MARCHF8: variants seen among roughly 807,000 people sequenced by gnomAD.
The protein encoded by MARCHF8 is membrane associated ring-CH-type finger 8.
MARCHF8 carries 40 observed loss-of-function variants against 51.6 expected under a neutral mutation model. That is an observed-to-expected ratio of 0.77 (90% CI 0.60 to 1.01). MARCHF8 has a LOEUF of 1.01. Ranked by LOEUF, MARCHF8 falls within the 50% of genes least tolerant of loss-of-function variation. The pLI is 0.00. For missense variants in MARCHF8, 685 were observed against 708.6 expected (o/e 0.97, Z 0.38); for synonymous variants, 263 against 280.3 (o/e 0.94, Z 0.62).
rs182283104 is a variant in MARCHF8, at chr10:45,471,498, G to A, written c.154-7171C>T. Reference sequence around the variant, plus strand: ...AATCACCAGAAATAACACGGTGAAAGGGGCTGTGTTTGTGAGTTACTTATC... The same window carrying A: ...AATCACCAGAAATAACACGGTGAAAAGGGCTGTGTTTGTGAGTTACTTATC... On this transcript the variant is annotated intron_variant, in intron 3 of 7. Coordinates refer to ENST00000453424, the MANE Select transcript of MARCHF8 (RefSeq NM_001282866.2). Among the ~76,000 whole-genome samples the A allele has an allele frequency of 3.4e-3, 524 of 152,360 alleles. 1 individual carries two copies. The highest frequency in any genetic ancestry group is 5.7e-3 in the Non-Finnish European group (388 of 68,038).
At chr10:45,549,345 A>T (rs2044168130) in intron 1 of MARCHF8, among the ~76,000 whole-genome samples, 1 of 152,228 alleles carries the variant, frequency 6.6e-6, no homozygotes, top group African/African-American at 2.4e-5. Flanking sequence ...CCTATTTCTC[A>T]TAATTCCATG....
At chr10:45,463,072 GA>G in intron 5 of MARCHF8, 78 bp downstream of exon 5, 1 of 1,456,976 alleles carries the variant, frequency 6.9e-7, no homozygotes, top group Non-Finnish European at 9.1e-7. Flanking sequence ...TCATTTTCCT[GA>G]AACTTCACAT....
chr10:45,590,780 T>C (rs1262471800), intron 1 of MARCHF8, among the ~76,000 whole-genome samples: 3 of 152,150 alleles, frequency 2.0e-5, no homozygotes, highest in African/African-American at 7.2e-5. Context: ...TCCCAGCACT[T>C]TGGAAGGCTA....
At chr10:45,530,681 G>C (rs1378680752) in intron 2 of MARCHF8, among the ~76,000 whole-genome samples, 1 of 152,170 alleles carries the variant, frequency 6.6e-6, no homozygotes, top group Non-Finnish European at 1.5e-5. Context: ...GTTGAGGCAG[G>C]AGGATCATTT....
chr10:45,458,956 C>T (rs1346598940), intron 7 of MARCHF8, among the ~76,000 whole-genome samples, 164 bp downstream of exon 7: 2 of 152,166 alleles, frequency 1.3e-5, no homozygotes, highest in African/African-American at 2.4e-5. Context: ...CAAAAACTAC[C>T]ACCACAGCAA....
At chr10:45,516,332 G>A (rs1448776882) in intron 2 of MARCHF8, among the ~76,000 whole-genome samples, 1 of 152,092 alleles carries the variant, frequency 6.6e-6, no homozygotes, top group Non-Finnish European at 1.5e-5. Flanking sequence ...ATTATTTTTT[G>A]TAGAGACAGG....
chr10:45,491,235 A>T (rs1314978090), intron 2 of MARCHF8, among the ~76,000 whole-genome samples: 1 of 152,188 alleles, frequency 6.6e-6, no homozygotes, highest in Non-Finnish European at 1.5e-5. Context: ...ATTATAAAGT[A>T]TGCTCAAAGT....
intron 1 of MARCHF8, among the ~76,000 whole-genome samples, chr10:45,575,718 C>T (rs75263910): frequency 1.3e-5 from 2 of 152,110 alleles, no homozygotes; most frequent in Non-Finnish European, 2.9e-5. Context: ...GCCTCTGAGC[C>T]CAAGCTAAGC....
chr10:45,469,591 C>T (rs982082889), intron 3 of MARCHF8, among the ~76,000 whole-genome samples: 1 of 152,080 alleles, frequency 6.6e-6, no homozygotes, highest in East Asian at 1.9e-4. Context: ...TCTGGCCAGG[C>T]GCGGTGGCTC....
chr10:45,504,432 G>A lies in MARCHF8; in HGVS notation c.103-15015C>T, dbSNP rs141786936. 1.6e-3 allele frequency among the ~76,000 whole-genome samples: 250 copies of A among 152,320 alleles called. No individual in the cohort carries two copies. In the East Asian group the frequency reaches 0.022, roughly 14 times the overall value. ...GCACTCCAGCGTGGGAAACAAGAGC[G>A]AAACTCCGTCTCGAAAAAAACTAAG... On this transcript the variant is annotated intron_variant, in intron 2 of 7. Transcript: ENST00000453424.
intron 1 of MARCHF8, among the ~76,000 whole-genome samples, chr10:45,564,022 T>A (rs1263517605): frequency 6.6e-6 from 1 of 152,224 alleles, no homozygotes; most frequent in East Asian, 1.9e-4. Flanking sequence ...ACGCCTGTAA[T>A]CCCAGCACTT....
intron 3 of MARCHF8, among the ~76,000 whole-genome samples, chr10:45,481,043 T>C (rs910075857): frequency 6.6e-6 from 1 of 152,244 alleles, no homozygotes; most frequent in Non-Finnish European, 1.5e-5. Flanking sequence ...GCCCACCTCT[T>C]GCATTAGCAT....
chr10:45,479,031 C>T (rs2042838048), intron 3 of MARCHF8, among the ~76,000 whole-genome samples: 1 of 152,154 alleles, frequency 6.6e-6, no homozygotes, highest in African/African-American at 2.4e-5. Flanking sequence ...CAAAACCAGA[C>T]AAGGACACAA....
At chr10:45,514,287 T>C (rs1462154625) in intron 2 of MARCHF8, among the ~76,000 whole-genome samples, 12 of 152,244 alleles carry the variant, frequency 7.9e-5, no homozygotes, top group Admixed American at 7.2e-4. Flanking sequence ...ATGGCATCCC[T>C]GAATCAGTGA....
intron 1 of MARCHF8, among the ~76,000 whole-genome samples, chr10:45,575,639 C>T (rs1221325557): frequency 2.0e-5 from 3 of 152,158 alleles, no homozygotes; most frequent in South Asian, 2.1e-4. Flanking sequence ...CAAAAATTTT[C>T]GCTACCCCAA....
intron 1 of MARCHF8, among the ~76,000 whole-genome samples, chr10:45,584,121 A>G (rs1433771883): frequency 8.9e-6 from 1 of 111,818 alleles, no homozygotes; most frequent in Non-Finnish European, 1.8e-5. Flanking sequence ...CAACATATAT[A>G]CAATCATATA....
intron 2 of MARCHF8, among the ~76,000 whole-genome samples, chr10:45,502,154 C>T (rs558920206): frequency 6.6e-6 from 1 of 152,252 alleles, no homozygotes; most frequent in South Asian, 2.1e-4. Context: ...AACACATGTT[C>T]ACATAAAAAC....
intron 1 of MARCHF8, among the ~76,000 whole-genome samples, chr10:45,571,792 G>C (rs981911328): frequency 6.6e-6 from 1 of 151,906 alleles, no homozygotes; most frequent in Non-Finnish European, 1.5e-5. Flanking sequence ...CAATCTTCGC[G>C]CCACACTTCA....
upstream of MARCHF8, among the ~76,000 whole-genome samples, chr10:45,538,068 A>G (rs1364349761): frequency 3.3e-5 from 5 of 152,190 alleles, no homozygotes; most frequent in Non-Finnish European, 7.4e-5. Context: ...GAAAGAGTAC[A>G]AAGGTTGGGT....
Sources: allele counts gnomAD v4.1 joint callset (sites outside exome capture counted in the v4.1 genomes callset), GRCh38; gene constraint gnomAD v4.1.1; transcripts MANE v1.5; gene names NCBI Gene and HGNC (gene_info 2026-07-23, HGNC 2026-07-21).